GRXCR1: variants seen among roughly 807,000 people sequenced by gnomAD.
GRXCR1 encodes glutaredoxin and cysteine rich domain containing 1.
Under a neutral mutation model 27.3 loss-of-function variants are expected in GRXCR1, and 27 were observed. The observed-to-expected ratio is 0.99, with a 90% confidence interval of 0.73 to 1.37. The LOEUF (loss-of-function observed/expected upper bound fraction) is 1.37. Among genes scored for constraint, GRXCR1 ranks in the 40% most tolerant of loss-of-function variants. The pLI, the probability that GRXCR1 is intolerant of heterozygous loss-of-function variation, is 0.00. For synonymous variants in GRXCR1, 122 were observed against 131.1 expected (o/e 0.93, Z 0.47); for missense variants, 379 against 354.4 (o/e 1.07, Z -0.56).
At chr4:42,937,780 T>C (rs1747493915) in intron 1 of GRXCR1, among the ~76,000 whole-genome samples, 2 of 151,970 alleles carry the variant, frequency 1.3e-5, no homozygotes, top group Non-Finnish European at 2.9e-5. Context: ...GTTTTTAAAG[T>C]TTTTATTTTT....
intron 3 of GRXCR1, among the ~76,000 whole-genome samples, chr4:43,025,670 T>C (rs551836564): frequency 2.0e-5 from 3 of 152,234 alleles, no homozygotes; most frequent in African/African-American, 7.2e-5. Flanking sequence ...CAGCAGTCAA[T>C]CTCTTCATTG....
At chr4:42,908,254 T>C (rs1746641655) in intron 1 of GRXCR1, among the ~76,000 whole-genome samples, 1 of 152,192 alleles carries the variant, frequency 6.6e-6, no homozygotes, top group South Asian at 2.1e-4. Flanking sequence ...CTGCCTGACC[T>C]TGTGAGTATG....
At chr4:42,957,968 A>G (rs1748045462) in intron 1 of GRXCR1, among the ~76,000 whole-genome samples, 1 of 151,910 alleles carries the variant, frequency 6.6e-6, no homozygotes, top group Admixed American at 6.6e-5. Flanking sequence ...GGATGCTTTT[A>G]ATGCTTATAG....
At chr4:43,007,432 G>T (rs923512838) in intron 2 of GRXCR1, among the ~76,000 whole-genome samples, 2 of 152,146 alleles carry the variant, frequency 1.3e-5, no homozygotes, top group Non-Finnish European at 2.9e-5. Flanking sequence ...TTTGGCTTCT[G>T]ATATGAGTGG....
chr4:43,015,412 G>A (rs1712900141), intron 2 of GRXCR1, among the ~76,000 whole-genome samples: 1 of 152,134 alleles, frequency 6.6e-6, no homozygotes, highest in African/African-American at 2.4e-5. Context: ...ATAAAAACTG[G>A]TAGTGGTTGG....
At chr4:42,975,733 A>T (rs993759095) in intron 2 of GRXCR1, among the ~76,000 whole-genome samples, 1 of 152,080 alleles carries the variant, frequency 6.6e-6, no homozygotes, top group Admixed American at 6.6e-5. Context: ...TTTACCTTTG[A>T]CTTTTGACAT....
At chr4:42,902,154 A>G (rs1388072418) in intron 1 of GRXCR1, among the ~76,000 whole-genome samples, 1 of 152,104 alleles carries the variant, frequency 6.6e-6, no homozygotes, top group Non-Finnish European at 1.5e-5. Context: ...ATCATGGCAA[A>G]TTGTCAGTAT....
At chr4:42,966,806 C>G (rs771475879) in intron 2 of GRXCR1, among the ~76,000 whole-genome samples, 1 of 152,028 alleles carries the variant, frequency 6.6e-6, no homozygotes, top group Non-Finnish European at 1.5e-5. Flanking sequence ...TGTGGAACAT[C>G]TTTTTAATAT....
At chr4:42,963,175 A>T in intron 2 of GRXCR1, 41 bp downstream of exon 2, 1 of 1,602,960 alleles carries the variant, frequency 6.2e-7, no homozygotes, top group Non-Finnish European at 8.5e-7. Context: ...ATAGAACCCA[A>T]CCAGGGCTGA....
chr4:42,967,958 C>T (rs1001832599), intron 2 of GRXCR1, among the ~76,000 whole-genome samples: 1 of 152,108 alleles, frequency 6.6e-6, no homozygotes, highest in African/African-American at 2.4e-5. Context: ...GGTCCTTTTC[C>T]TAGATAATGT....
chr4:42,998,302 C>T (rs559021712), intron 2 of GRXCR1, among the ~76,000 whole-genome samples: 1 of 152,286 alleles, frequency 6.6e-6, no homozygotes, highest in East Asian at 1.9e-4. Flanking sequence ...GTTGGCTGAC[C>T]CCTTTCTTAA....
chr4:43,006,778 C>T (rs1020443456), intron 2 of GRXCR1, among the ~76,000 whole-genome samples: 5 of 152,202 alleles, frequency 3.3e-5, no homozygotes, highest in African/African-American at 1.2e-4. Flanking sequence ...CCTATTCACA[C>T]ACTCCCTCTC....
At chr4:42,908,753 G>A (rs1050501721) in intron 1 of GRXCR1, among the ~76,000 whole-genome samples, 1 of 152,140 alleles carries the variant, frequency 6.6e-6, no homozygotes, top group Non-Finnish European at 1.5e-5. Context: ...TCACAATTTA[G>A]GAGACTGGGA....
chr4:42,915,672 T>C (rs1228126699), intron 1 of GRXCR1, among the ~76,000 whole-genome samples: 1 of 152,072 alleles, frequency 6.6e-6, no homozygotes, highest in South Asian at 2.1e-4. Flanking sequence ...TCTATATATC[T>C]AGTGAGTTCA....
intron 2 of GRXCR1, among the ~76,000 whole-genome samples, chr4:42,981,405 A>T (rs769652513): frequency 2.0e-5 from 3 of 152,182 alleles, no homozygotes; most frequent in Non-Finnish European, 2.9e-5. Context: ...TCCCTTAAAA[A>T]TTATGGTAGC....
At chr4:43,008,517 A>G (rs1350365658) in intron 2 of GRXCR1, among the ~76,000 whole-genome samples, 1 of 152,216 alleles carries the variant, frequency 6.6e-6, no homozygotes, top group East Asian at 1.9e-4. Context: ...CATATCTTCC[A>G]TCAGTGTGCA....
chr4:42,925,061 GA>G (rs72330518), intron 1 of GRXCR1, among the ~76,000 whole-genome samples: 7,847 of 139,478 alleles, frequency 0.056, 351 homozygotes, highest in African/African-American at 0.13. Flanking sequence ...GCATGAAAGA[GA>G]AAAAAAAAAA....
chr4:42,987,213 A>AT (rs1711758884), intron 2 of GRXCR1, among the ~76,000 whole-genome samples: 1 of 38,382 alleles, frequency 2.6e-5, no homozygotes, highest in African/African-American at 1.4e-4. Flanking sequence ...TATATATATT[A>AT]TATATATATT....
At chr4:42,969,537 A>C (rs1431103615) in intron 2 of GRXCR1, among the ~76,000 whole-genome samples, 1 of 152,136 alleles carries the variant, frequency 6.6e-6, no homozygotes, top group East Asian at 1.9e-4. Flanking sequence ...GCATGTCTTT[A>C]CAATGGTGGA....
Sources: gnomAD v4.1 joint callset for allele counts (sites outside exome capture counted in the v4.1 genomes callset) on GRCh38, gnomAD v4.1.1 for gene constraint, MANE v1.5 for transcripts, NCBI Gene and HGNC (gene_info 2026-07-23, HGNC 2026-07-21) for gene names.